Variants in SPACA9 observed in about 807,000 individuals in gnomAD.
SPACA9 encodes the protein sperm acrosome associated 9.
Under a neutral mutation model 12.5 loss-of-function variants are expected in SPACA9, and 14 were observed. That is an observed-to-expected ratio of 1.12 (90% CI 0.74 to 1.75). SPACA9 has a LOEUF of 1.75. SPACA9 is among the 40% of genes most tolerant of loss of function. The pLI, the probability that SPACA9 is intolerant of heterozygous loss-of-function variation, is 0.00. For synonymous variants in SPACA9, 111 were observed against 114.1 expected (o/e 0.97, Z 0.17); for missense variants, 292 against 291.9 (o/e 1.00, Z 0.00).
chr9:132,878,798 C>T (rs539556261), upstream of SPACA9: 1 of 984,726 alleles, frequency 1.0e-6, no homozygotes, highest in Non-Finnish European at 1.2e-6. This position sits in a 1 kb window ranked among gnomAD's most constrained non-coding sequence, Gnocchi z 4.7. Context: ...CCCAGCTCCC[C>T]GGCTCTGGCC....
At position 132,889,954 on chromosome 9, in the gene SPACA9, CAG is replaced by C. The variant is rs767738337; in HGVS notation, c.*1344_*1345del. The stretch of plus-strand genomic sequence containing the variant: ...GTCTGACTGTTGGTTTTTCCCTTCA[CAG>C]GGGACGACTTAGCTTCTGTATTATT... On this transcript the variant is annotated 3_prime_UTR_variant, in exon 4 of 4. Coordinates refer to ENST00000356311, the MANE Select transcript of SPACA9 (RefSeq NM_001316897.2). 2.5e-5 allele frequency: 38 copies of C among 1,507,886 alleles called. No homozygotes were observed. The highest frequency in any genetic ancestry group is 3.2e-5 in the Non-Finnish European group (36 of 1,121,862). The allele number at this position is 1,507,886 out of a possible 1,614,324, so 93.4% of individuals were successfully genotyped here.
chr9:132,885,241 C>T (rs1176292576), intron 2 of SPACA9, among the ~76,000 whole-genome samples: 1 of 151,042 alleles, frequency 6.6e-6, no homozygotes, highest in Non-Finnish European at 1.5e-5. Flanking sequence ...AGGCCAGACA[C>T]AGCGGCTCAT....
At chr9:132,884,525 G>A (rs1844513677) in intron 2 of SPACA9, among the ~76,000 whole-genome samples, 1 of 152,246 alleles carries the variant, frequency 6.6e-6, no homozygotes, top group African/African-American at 2.4e-5. Flanking sequence ...CACACCGCCA[G>A]GTGCTTTCGC....
chr9:132,888,532 G>A lies in SPACA9; in HGVS notation c.590G>A (p.Cys197Tyr), dbSNP rs771684407. ...GTQPRATKHK[C>Y]RQLTKASLKP... ...CAGCCCAGGGCCACTAAACACAAGT[G>A]TAGACAGCTCACAAAAGCCAGCCTC... Residue 197 changes from cysteine to tyrosine, a missense_variant, in exon 4 of 4, where the codon TGT becomes TAT. Physicochemically the swap from Cys to Tyr is radical, Grantham distance 194. Transcript: ENST00000356311. This position sits in a 1 kb window ranked among gnomAD's most constrained non-coding sequence, Gnocchi z 5.0. 2 of 1,565,902 alleles carry A rather than the reference G, an allele frequency of 1.3e-6. 1 individual carries two copies. The highest frequency in any genetic ancestry group is 2.3e-5 in the South Asian group (2 of 86,046).
At chr9:132,884,881 C>T (rs904607755) in intron 2 of SPACA9, among the ~76,000 whole-genome samples, 12 of 150,640 alleles carry the variant, frequency 8.0e-5, no homozygotes, top group African/African-American at 2.4e-4. Context: ...TTTGGGAGGC[C>T]GAGGCAGGTG....
At chr9:132,884,799 C>T (rs1041263736) in intron 2 of SPACA9, among the ~76,000 whole-genome samples, 2 of 152,226 alleles carry the variant, frequency 1.3e-5, no homozygotes, top group African/African-American at 2.4e-5. Context: ...ACAAGCAACC[C>T]TTGCTGGCAG....
Position 132,889,334 on chromosome 9 carries a change from G to A in SPACA9, c.*723G>A, listed in dbSNP as rs1192106421. On this transcript the variant is annotated 3_prime_UTR_variant, in exon 4 of 4. Transcript: ENST00000356311. ...ACCACCAGCCCCAACTGTAGGCAAG[G>A]CACACGCTGTTTGCGAGCCAGGGAT... The A allele has an allele frequency of 1.0e-6, 1 of 985,616 alleles. No individual in the cohort carries two copies. 61.1% of individuals were successfully genotyped at this position (985,616 alleles called of 1,614,324 possible). A position where few individuals can be genotyped will look rare whatever the true frequency, so the allele number is the denominator to read the frequency against.
rs1588270142 is a variant in SPACA9, at chr9:132,888,311, C to A, written c.369C>A (p.Asn123Lys). ...LRAKYPHDVV[N>K]HLSCDEARNH... is the part of the protein sequence containing the mutation. ...GCAGATACCCTCATGATGTGGTGAA[C>A]CACCTCAGCTGTGACGAGGCCCGGA... Residue 123 changes from asparagine (N) to lysine (K), a missense_variant, in exon 4 of 4, where the codon AAC becomes AAA. Asn to Lys is a moderately conservative substitution (Grantham distance 94). Coordinates refer to ENST00000356311, the MANE Select transcript of SPACA9 (RefSeq NM_001316897.2). The surrounding 1 kb of genome is among the most constrained non-coding windows in gnomAD (Gnocchi z 5.0). The A allele has an allele frequency of 6.2e-7, 1 of 1,612,202 alleles. No homozygotes were observed. Among genetic ancestry groups the A allele is most frequent in the African/African-American group, 1.3e-5 (1 of 74,878 alleles).
rs1844692865 is a variant in SPACA9, at chr9:132,889,627, C to G, written c.*1016C>G. Reference sequence around the variant, plus strand: ...ACGGGGCTTCACCACGTTGGCCAGGCTGGTCTTGAACTCCTGACCTCAACT... The same window carrying G: ...ACGGGGCTTCACCACGTTGGCCAGGGTGGTCTTGAACTCCTGACCTCAACT... On this transcript the variant is annotated 3_prime_UTR_variant, in exon 4 of 4. Coordinates refer to ENST00000356311, the MANE Select transcript of SPACA9 (RefSeq NM_001316897.2). 1.8e-6 allele frequency: 1 copy of G among 566,422 alleles called. No homozygotes were observed. Among genetic ancestry groups the G allele is most frequent in the Non-Finnish European group, 2.2e-6 (1 of 445,032 alleles). The allele number at this position is 566,422 out of a possible 1,614,324, so 35.1% of individuals were successfully genotyped here. A position where few individuals can be genotyped will look rare whatever the true frequency, so the allele number is the denominator to read the frequency against.
chr9:132,888,992 C>T lies in SPACA9; in HGVS notation c.*381C>T, dbSNP rs921686075. On this transcript the variant is annotated 3_prime_UTR_variant, in exon 4 of 4. Transcript: ENST00000356311. This position sits in a 1 kb window ranked among gnomAD's most constrained non-coding sequence, Gnocchi z 5.0. ...CCATGTTAGCCAGGATGGTCTCAAT[C>T]TCCTGACCTCATGATCTACCCTCGT... 3.0e-5 allele frequency: 23 copies of T among 756,848 alleles called. No homozygotes were observed. The highest frequency in any genetic ancestry group is 3.6e-5 in the Non-Finnish European group (22 of 607,336). 46.9% of individuals were successfully genotyped at this position (756,848 alleles called of 1,614,324 possible).
intron 2 of SPACA9, among the ~76,000 whole-genome samples, chr9:132,886,320 A>ACT (rs1844564012): frequency 6.6e-6 from 1 of 152,156 alleles, no homozygotes; most frequent in Admixed American, 6.5e-5. Context: ...GTAACCCCAT[A>ACT]AGCTCCACTT....
intron 2 of SPACA9, 136 bp downstream of exon 2, chr9:132,884,227 T>C: frequency 1.3e-6 from 1 of 782,236 alleles, no homozygotes; most frequent in Non-Finnish European, 2.1e-6. Context: ...ACCTAAATGA[T>C]GTAATGAGTC....
chr9:132,887,508 A>G lies in SPACA9; in HGVS notation c.284A>G (p.Asn95Ser). ...AVHSGTPVTN[N>S]LLEKCKTLVS... Reference sequence around the variant, plus strand: ...CACTCTGGCACCCCAGTCACCAACAACCTCCTGGAGAAATGCAAAACCCTC... The same window carrying G: ...CACTCTGGCACCCCAGTCACCAACAGCCTCCTGGAGAAATGCAAAACCCTC... Residue 95 changes from asparagine (N) to serine (S), a missense_variant, in exon 3 of 4, where the codon AAC (asparagine) becomes AGC (serine). Asn to Ser is a conservative substitution (Grantham distance 46). Coordinates refer to ENST00000356311, the MANE Select transcript of SPACA9 (RefSeq NM_001316897.2). The surrounding 1 kb of genome is among the most constrained non-coding windows in gnomAD (Gnocchi z 5.4). 2 of 1,613,862 alleles carry G rather than the reference A, an allele frequency of 1.2e-6. No homozygotes were observed. The highest frequency in any genetic ancestry group is 1.7e-6 in the Non-Finnish European group (2 of 1,180,000).
Position 132,888,268 on chromosome 9 carries a change from C to T in SPACA9, c.348-22C>T, listed in dbSNP as rs912628894. 2 of 1,579,614 alleles carry T rather than the reference C, an allele frequency of 1.3e-6. No individual in the cohort carries two copies. Among genetic ancestry groups the T allele is most frequent in the African/African-American group, 1.3e-5 (1 of 74,388 alleles). ...GCAAGTCCCGGGAGCATGGGTTCACCTGGCCCCCTGCCGTCCTGCAGATAC... is the reference window on the plus strand; with the variant it reads ...GCAAGTCCCGGGAGCATGGGTTCACTTGGCCCCCTGCCGTCCTGCAGATAC... On this transcript the variant is annotated intron_variant, in intron 3 of 3. Transcript: ENST00000356311. This position sits in a 1 kb window ranked among gnomAD's most constrained non-coding sequence, Gnocchi z 5.0.
chr9:132,881,278 A>G (rs1300384112), intron 1 of SPACA9, among the ~76,000 whole-genome samples: 5 of 146,012 alleles, frequency 3.4e-5, no homozygotes, highest in Admixed American at 6.7e-5. Context: ...AAAAGAAAAA[A>G]AAAAAAGAAA....
At position 132,878,946 on chromosome 9, in the gene SPACA9, A is replaced by C. The variant is rs1045851986; in HGVS notation, c.-106A>C. 2 of 199,040 alleles carry C rather than the reference A, an allele frequency of 1.0e-5. No individual in the cohort carries two copies. The highest frequency in any genetic ancestry group is 1.8e-5 in the Non-Finnish European group (2 of 112,734). The allele number at this position is 199,040 out of a possible 1,614,324, so 12.3% of individuals were successfully genotyped here. ...GGCCTCCCCACCCTCCGGGGCACCG[A>C]CACTCACGGAGTCACTCCAACTTCT... On this transcript the variant is annotated 5_prime_UTR_variant, in exon 1 of 4. Coordinates refer to ENST00000356311, the MANE Select transcript of SPACA9 (RefSeq NM_001316897.2). The surrounding 1 kb of genome is among the most constrained non-coding windows in gnomAD (Gnocchi z 4.7).
At chr9:132,881,529 G>A (rs978642922) in intron 1 of SPACA9, among the ~76,000 whole-genome samples, 4 of 152,038 alleles carry the variant, frequency 2.6e-5, no homozygotes, top group Non-Finnish European at 5.9e-5. Flanking sequence ...ACTTTCGGAG[G>A]CTGAGAAAGG....
intron 1 of SPACA9, among the ~76,000 whole-genome samples, chr9:132,882,534 C>T (rs1425988236): frequency 6.7e-6 from 1 of 149,420 alleles, no homozygotes; most frequent in Non-Finnish European, 1.5e-5. Context: ...GATCATGGCT[C>T]ACTGGAGCCT....
chr9:132,878,395 C>T (rs1185802496), upstream of SPACA9: 19 of 1,242,422 alleles, frequency 1.5e-5, no homozygotes, highest in Non-Finnish European at 1.9e-5. The surrounding 1 kb of genome is among the most constrained non-coding windows in gnomAD (Gnocchi z 4.7). Context: ...GCGCGGGTCG[C>T]CCCCGCCCCG....
Sources: gnomAD v4.1 joint callset for allele counts (sites outside exome capture counted in the v4.1 genomes callset) on GRCh38, gnomAD v4.1.1 for gene constraint, Gnocchi (gnomAD v3.1) non-coding constraint, MANE v1.5 for transcripts, NCBI Gene and HGNC (gene_info 2026-07-23, HGNC 2026-07-21) for gene names.